Variants in NDRG1 observed in about 807,000 individuals in gnomAD.
NDRG1 encodes N-myc downstream regulated 1, also known as protein NDRG1.
In NDRG1, 32 loss-of-function variants were observed where a neutral mutation model predicts 56.9. The observed-to-expected ratio is 0.56, with a 90% CI of 0.42 to 0.76. NDRG1 has a LOEUF of 0.76. Among genes scored for constraint, NDRG1 ranks in the 30% least tolerant of loss-of-function variants. The probability of loss-of-function intolerance (pLI) is 0.00; values close to 1 mark genes in which losing one functional copy is unlikely to be tolerated. For synonymous variants in NDRG1, 211 were observed against 204.1 expected (o/e 1.03, Z -0.29); for missense variants, 507 against 545.7 (o/e 0.93, Z 0.71).
At chr8:133,242,193 T>G (rs1855425735) in intron 14 of NDRG1, 119 bp from the exon 15 acceptor site, 2 of 1,010,650 alleles carry the variant, frequency 2.0e-6, no homozygotes, top group Non-Finnish European at 3.1e-6. Flanking sequence ...ACAAAAGCCA[T>G]CACGTGTTGA....
intron 9 of NDRG1, among the ~76,000 whole-genome samples, chr8:133,253,595 C>T (rs571074202): frequency 1.5e-4 from 23 of 152,356 alleles, no homozygotes; most frequent in African/African-American, 5.3e-4. Flanking sequence ...AGATTTATAA[C>T]AGCCCAGAAC....
chr8:133,240,497 C>T (rs910808305), intron 15 of NDRG1: 1 of 152,184 alleles, frequency 6.6e-6, no homozygotes, highest in African/African-American at 2.4e-5. Context: ...TACTTCTCAC[C>T]CACAAATCTG....
intron 3 of NDRG1, among the ~76,000 whole-genome samples, chr8:133,278,812 A>G (rs951262026): frequency 1.3e-5 from 2 of 152,082 alleles, no homozygotes; most frequent in African/African-American, 4.8e-5. Context: ...GGTGAGGCCC[A>G]GAGTCTGGCA....
Position 133,264,601 on chromosome 8 carries a change from TC to T in NDRG1, c.150del (p.Thr51LeufsTer17). 6.2e-7 allele frequency: 1 copy of T among 1,613,990 alleles called. No homozygotes were observed. The highest frequency in any genetic ancestry group is 8.5e-7 in the Non-Finnish European group (1 of 1,180,004). On this transcript the variant is annotated frameshift_variant, in exon 4 of 16. Coordinates refer to ENST00000323851, the MANE Select transcript of NDRG1 (RefSeq NM_006096.4). LOFTEE classifies it high-confidence loss of function. ...ATGACAGGCCGGTTTCCCTTGGGAG[TC>T]CCACACAGCGTGACGTGAACAGAGC... ...LHGSVHVTLCGTPKGNRPVIL... is the reference protein window; with the variant it reads ...LHGSVHVTLCXTPKGNRPVIL...
In NDRG1 at chr8:133,268,678, G is replaced by A. The variant is rs187101647; in HGVS notation, c.100-4026C>T. Among the ~76,000 whole-genome samples, 9 of 152,234 alleles carry A rather than the reference G, an allele frequency of 5.9e-5. No individual in the cohort carries two copies. The South Asian group carries it at 6.2e-4, about 11-fold the overall frequency. ...AAGAAGTTGAAGGGACTCTCCCAAG[G>A]TCATAGGTTTGTGGTGGTAGAACTA... On this transcript the variant is annotated intron_variant, in intron 3 of 15. Transcript: ENST00000323851.
At chr8:133,242,596 C>T (rs140001675) in intron 14 of NDRG1, among the ~76,000 whole-genome samples, 1 of 152,230 alleles carries the variant, frequency 6.6e-6, no homozygotes, top group Non-Finnish European at 1.5e-5. Flanking sequence ...CCAGGGCTCT[C>T]CAAACCTAAA....
chr8:133,253,297 C>CCAGGCAGCAGCA (rs1211641233), intron 9 of NDRG1, among the ~76,000 whole-genome samples: 2 of 152,190 alleles, frequency 1.3e-5, no homozygotes, highest in African/African-American at 4.8e-5. Context: ...CATCTCAGAG[C>CCAGGCAGCAGCA]CAGGCAGCAG....
intron 1 of NDRG1, among the ~76,000 whole-genome samples, chr8:133,293,887 A>G (rs1858576642): frequency 6.6e-6 from 1 of 152,218 alleles, no homozygotes; most frequent in South Asian, 2.1e-4. Flanking sequence ...ACCTAGGTCA[A>G]GCATTTGCAG....
chr8:133,261,756 A>G (rs1483880225), intron 5 of NDRG1, among the ~76,000 whole-genome samples: 1 of 152,170 alleles, frequency 6.6e-6, no homozygotes, highest in African/African-American at 2.4e-5. Flanking sequence ...ATAGTATCTG[A>G]TAAGTATGTT....
chr8:133,237,740 G>A lies in NDRG1; in HGVS notation c.*1138C>T. On this transcript the variant is annotated 3_prime_UTR_variant, in exon 16 of 16. Transcript: ENST00000323851. ...AAGAGTTCTGAGGATCCAAGAACGT[G>A]ACCGGGTCAGACAGGTTCAGCTACT... The A allele has an allele frequency of 8.9e-6, 2 of 224,380 alleles. No individual in the cohort carries two copies. Among genetic ancestry groups the A allele is most frequent in the Non-Finnish European group, 8.7e-6 (1 of 114,672 alleles). 13.9% of individuals were successfully genotyped at this position (224,380 alleles called of 1,614,324 possible).
At position 133,258,376 on chromosome 8, in the gene NDRG1, GT is replaced by G; in HGVS notation, c.439del (p.Thr147LeufsTer5). 6.2e-7 allele frequency: 1 copy of G among 1,611,918 alleles called. No individual in the cohort carries two copies. ...TGCCAAAGCACTCACAGCAAATCGA[GT>G]TAGGATGTAGGCGCCTGCTCCTGTT... ...MGTGAGAYIL[T>X]RFALNNPEMV... On this transcript the variant is annotated frameshift_variant, in exon 7 of 16. Coordinates refer to ENST00000323851, the MANE Select transcript of NDRG1 (RefSeq NM_006096.4). LOFTEE classifies it high-confidence loss of function.
intron 6 of NDRG1, 73 bp from the exon 7 acceptor site, chr8:133,258,499 T>C (rs1464837668): frequency 7.4e-6 from 11 of 1,480,730 alleles, no homozygotes; most frequent in East Asian, 7.1e-5. Context: ...CACTTAGAAC[T>C]TCCTGAGGGT....
intron 3 of NDRG1, among the ~76,000 whole-genome samples, chr8:133,267,240 C>T (rs1456717193): frequency 6.6e-6 from 1 of 152,212 alleles, no homozygotes; most frequent in African/African-American, 2.4e-5. Context: ...CTTCACTCGC[C>T]TGCCCTGGGT....
chr8:133,250,452 T>C lies in NDRG1; in HGVS notation c.686A>G (p.Asn229Ser), dbSNP rs137993172. 712 of 1,613,834 alleles carry C rather than the reference T, an allele frequency of 4.4e-4. 1 individual carries two copies. Among genetic ancestry groups the C allele is most frequent in the Non-Finnish European group, 5.7e-4 (674 of 1,179,864 alleles). The change falls in exon 10 of 16, where the codon AAT (asparagine) becomes AGT (serine). Residue 229 changes from asparagine (N) to serine (S), a missense_variant. By Grantham distance (46) the Asn-to-Ser change is conservative (BLOSUM62 1). Transcript: ENST00000323851. ...MNPGNLHLFINAYNSRRDLEI... is the reference protein window; with the variant it reads ...MNPGNLHLFISAYNSRRDLEI... Reference sequence around the variant, plus strand: ...TACATCCCAATACCTGTTGTAGGCATTGATGAACAGGTGCAGGTTGCCGGG... The same window carrying C: ...TACATCCCAATACCTGTTGTAGGCACTGATGAACAGGTGCAGGTTGCCGGG...
chr8:133,256,753 C>T (rs376400618), intron 8 of NDRG1, 24 bp downstream of exon 8: 20 of 1,611,804 alleles, frequency 1.2e-5, no homozygotes, highest in African/African-American at 5.3e-5. Flanking sequence ...GGGATCCCGC[C>T]GGCCTGACAG....
Position 133,238,653 on chromosome 8 carries a change from T to C in NDRG1, c.*225A>G, listed in dbSNP as rs1416819920. On this transcript the variant is annotated 3_prime_UTR_variant, in exon 16 of 16. Coordinates refer to ENST00000323851, the MANE Select transcript of NDRG1 (RefSeq NM_006096.4). ...CACTGGTTAATGGAAGAGGATGCGATGCGGAGATGCTTGCTTCCTTCCTTT... is the reference window on the plus strand; with the variant it reads ...CACTGGTTAATGGAAGAGGATGCGACGCGGAGATGCTTGCTTCCTTCCTTT... 1.2e-5 allele frequency: 7 copies of C among 599,724 alleles called. No individual in the cohort carries two copies. Among genetic ancestry groups the C allele is most frequent in the Middle Eastern group, 4.4e-4 (1 of 2,272 alleles). The allele number at this position is 599,724 out of a possible 1,614,324, so 37.2% of individuals were successfully genotyped here.
chr8:133,279,510 G>A (rs576748332), intron 3 of NDRG1, among the ~76,000 whole-genome samples: 2 of 152,354 alleles, frequency 1.3e-5, no homozygotes, highest in South Asian at 4.1e-4. Flanking sequence ...CAACACATGG[G>A]TAGCGGTTCA....
intron 2 of NDRG1, among the ~76,000 whole-genome samples, chr8:133,281,890 G>A (rs1422113524): frequency 4.6e-5 from 7 of 152,208 alleles, no homozygotes; most frequent in African/African-American, 1.7e-4. Flanking sequence ...GGAAAGAATG[G>A]GGAAAGCCAT....
In NDRG1 at chr8:133,238,920, A is replaced by G; in HGVS notation, c.1143T>C (p.Ala381=). ...HLDITPNSGA[A]GNSAGPKSME... is the part of the protein sequence containing the mutation. ...TGGACTTGGGCCCGGCGCTGTTCCCAGCAGCACCCGAGTTGGGGGTGATGT... is the reference window on the plus strand; with the variant it reads ...TGGACTTGGGCCCGGCGCTGTTCCCGGCAGCACCCGAGTTGGGGGTGATGT... The change falls in exon 16 of 16, where the codon GCT becomes GCC. Residue 381 remains alanine (A), a synonymous_variant. Transcript: ENST00000323851. 4 of 1,563,132 alleles carry G rather than the reference A, an allele frequency of 2.6e-6. No individual in the cohort carries two copies. The highest frequency in any genetic ancestry group is 3.5e-6 in the Non-Finnish European group (4 of 1,154,272).
Sources: gnomAD v4.1 joint callset for allele counts (sites outside exome capture counted in the v4.1 genomes callset) on GRCh38, gnomAD v4.1.1 for gene constraint, MANE v1.5 for transcripts, NCBI Gene and HGNC (gene_info 2026-07-23, HGNC 2026-07-21) for gene names.